Variants in RMND1 observed in about 807,000 individuals in gnomAD.
RMND1 encodes the protein required for meiotic nuclear division 1 homolog.
Under a neutral mutation model 54.0 loss-of-function variants are expected in RMND1, and 41 were observed. That is an observed-to-expected ratio of 0.76 (90% CI 0.59 to 0.98). The LOEUF (loss-of-function observed/expected upper bound fraction) is 0.98, where lower values mean the gene tolerates loss of function less well. RMND1 is among the 50% of genes least tolerant of loss of function. RMND1 has a pLI of 0.00. For missense variants in RMND1, 457 were observed against 532.0 expected (o/e 0.86, Z 1.39); for synonymous variants, 183 against 181.7 (o/e 1.01, Z -0.06).
At chr6:151,438,972 G>A (rs1245300975) in intron 2 of RMND1, among the ~76,000 whole-genome samples, 1 of 152,132 alleles carries the variant, frequency 6.6e-6, no homozygotes, top group African/African-American at 2.4e-5. Context: ...AAATTAGCCA[G>A]GCGTGGTGGC....
chr6:151,429,071 A>C (rs1173218788), intron 5 of RMND1, among the ~76,000 whole-genome samples: 1 of 150,414 alleles, frequency 6.6e-6, no homozygotes, highest in African/African-American at 2.4e-5. Flanking sequence ...GATTGTATAA[A>C]GCATGTTTTT....
chr6:151,445,076 ACT>A, intron 2 of RMND1: 1 of 432,734 alleles, frequency 2.3e-6, no homozygotes, highest in South Asian at 7.5e-5. Context: ...TCTTTTATAA[ACT>A]CTATTTTCAT....
At chr6:151,423,387 TGATGGAGGG>T in intron 7 of RMND1, 129 bp downstream of exon 7, 2 of 601,138 alleles carry the variant, frequency 3.3e-6, no homozygotes, top group African/African-American at 1.8e-5. Context: ...ATATTTTTTC[TGATGGAGGG>T]AAAAAAAGGA....
In RMND1 at chr6:151,405,819, A is replaced by G; in HGVS notation, c.1218T>C (p.Leu406=). Residue 406 remains leucine (L), a synonymous_variant, in exon 11 of 12, where the codon CTT becomes CTC. Transcript: ENST00000444024. ...GATCTGTTAGTTCCATGCAGTGCTG[A>G]AGTTTTTCATTCATGACCTATGTAA... ...GRRVKVMNEK[L]QHCMELTDLM... 1 of 1,607,044 alleles carries G rather than the reference A, an allele frequency of 6.2e-7. No homozygotes were observed. The highest frequency in any genetic ancestry group is 8.5e-7 in the Non-Finnish European group (1 of 1,173,940).
intron 2 of RMND1, among the ~76,000 whole-genome samples, chr6:151,441,727 A>G (rs560647428): frequency 1.8e-4 from 27 of 152,276 alleles, no homozygotes; most frequent in African/African-American, 6.3e-4. Flanking sequence ...TCTATGAGGA[A>G]CAGAAGCTCC....
intron 10 of RMND1, among the ~76,000 whole-genome samples, chr6:151,410,117 C>G (rs1011004768): frequency 2.0e-5 from 3 of 150,828 alleles, no homozygotes; most frequent in Non-Finnish European, 2.9e-5. Context: ...TGCAGTGGCA[C>G]AATCTCCGCT....
chr6:151,445,654 A>C lies in RMND1; in HGVS notation c.158T>G (p.Phe53Cys), dbSNP rs186417120. 8.1e-5 allele frequency: 130 copies of C among 1,614,208 alleles called. 1 individual carries two copies. The highest frequency in any genetic ancestry group is 2.0e-4 in the African/African-American group (15 of 75,066). The change falls in exon 2 of 12, where the codon TTC becomes TGC. Residue 53 changes from phenylalanine (F) to cysteine (C), a missense_variant. Coordinates refer to ENST00000444024, the MANE Select transcript of RMND1 (RefSeq NM_017909.4). The stretch of plus-strand genomic sequence containing the variant: ...ACCACTAGCTGTTTTATCAGGAAGG[A>C]ACAAATCCAAGCTTTGACGTATTGT... ...TLTIRQSLDL[F>C]LPDKTASGLN...
intron 9 of RMND1, 98 bp from the exon 10 acceptor site, chr6:151,417,497 T>C: frequency 1.0e-6 from 1 of 986,230 alleles, no homozygotes; most frequent in Non-Finnish European, 1.4e-6. Context: ...GAAAACTTTT[T>C]TTTTTTTGGT....
At chr6:151,446,809 T>C (rs1257699634) in intron 1 of RMND1, among the ~76,000 whole-genome samples, 3 of 151,494 alleles carry the variant, frequency 2.0e-5, no homozygotes, top group African/African-American at 7.3e-5. Context: ...GGCTGAGATA[T>C]AGAATCGTTC....
chr6:151,427,903 G>A (rs1205611641), intron 5 of RMND1, among the ~76,000 whole-genome samples: 1 of 152,090 alleles, frequency 6.6e-6, no homozygotes, highest in African/African-American at 2.4e-5. Flanking sequence ...CATTTTGGGA[G>A]GCAGAGGCGG....
At chr6:151,418,322 G>A (rs980749819) in intron 9 of RMND1, among the ~76,000 whole-genome samples, 1 of 152,104 alleles carries the variant, frequency 6.6e-6, no homozygotes, top group African/African-American at 2.4e-5. Context: ...GCTGAGGTGG[G>A]AGGATCATGT....
In RMND1 at chr6:151,445,313, T is replaced by C. The variant is rs1780920430; in HGVS notation, c.499A>G (p.Asn167Asp). The change falls in exon 2 of 12, where the codon AAC becomes GAC. Residue 167 changes from asparagine to aspartate, a missense_variant. Coordinates refer to ENST00000444024, the MANE Select transcript of RMND1 (RefSeq NM_017909.4). Reference sequence around the variant, plus strand: ...CACGGCCACCCCTACTTTACCTCGTTCACAGACAGAACTGGAAGGTTGGTC... The same window carrying C: ...CACGGCCACCCCTACTTTACCTCGTCCACAGACAGAACTGGAAGGTTGGTC... ...SRTNLPVLSV[N>D]EDLMHCTAFA... is the part of the protein sequence containing the mutation. The C allele has an allele frequency of 1.9e-6, 3 of 1,606,988 alleles. No homozygotes were observed. The highest frequency in any genetic ancestry group is 1.7e-4 in the Middle Eastern group (1 of 5,990).
intron 1 of RMND1, among the ~76,000 whole-genome samples, chr6:151,446,258 A>C (rs1780949449): frequency 6.6e-6 from 1 of 151,984 alleles, no homozygotes; most frequent in Non-Finnish European, 1.5e-5. Flanking sequence ...CCTCATCTCT[A>C]CAAAAATGAC....
chr6:151,425,707 C>T (rs961871595), intron 6 of RMND1, among the ~76,000 whole-genome samples: 1 of 152,078 alleles, frequency 6.6e-6, no homozygotes, highest in African/African-American at 2.4e-5. Flanking sequence ...GGCTGACTCA[C>T]AGTCAGGTGC....
At chr6:151,451,576 A>G (rs1198011533) in intron 1 of RMND1, among the ~76,000 whole-genome samples, 2 of 152,150 alleles carry the variant, frequency 1.3e-5, no homozygotes, top group East Asian at 1.9e-4. Context: ...TTTTCCTATT[A>G]TATCTCCTGA....
chr6:151,445,955 G>C (rs1488632757), intron 1 of RMND1, 130 bp from the exon 2 acceptor site: 2 of 827,832 alleles, frequency 2.4e-6, no homozygotes, highest in African/African-American at 1.7e-5. Flanking sequence ...GTTAATTCTA[G>C]TAAAAGAACA....
chr6:151,417,550 G>T, intron 9 of RMND1, 151 bp from the exon 10 acceptor site: 1 of 575,452 alleles, frequency 1.7e-6, no homozygotes, highest in Non-Finnish European at 2.9e-6. Context: ...GGAGTGCAGT[G>T]GTGTGATCAC....
At chr6:151,433,065 C>T in intron 4 of RMND1, 90 bp downstream of exon 4, 4 of 685,940 alleles carry the variant, frequency 5.8e-6, no homozygotes, top group South Asian at 5.5e-5. Flanking sequence ...AACACATTTA[C>T]TGTTAAGAAA....
At chr6:151,426,830 C>CGTGATCT (rs1454098429) in intron 6 of RMND1, among the ~76,000 whole-genome samples, 2 of 151,914 alleles carry the variant, frequency 1.3e-5, no homozygotes, top group Non-Finnish European at 2.9e-5. Flanking sequence ...AGTGCAATGG[C>CGTGATCT]GTGATCTCGG....
Sources: allele counts gnomAD v4.1 joint callset (sites outside exome capture counted in the v4.1 genomes callset), GRCh38; gene constraint gnomAD v4.1.1; transcripts MANE v1.5; gene names NCBI Gene and HGNC (gene_info 2026-07-23, HGNC 2026-07-21).